Variants in ABCC4 observed in about 807,000 individuals in gnomAD.
ABCC4 encodes the protein ATP-binding cassette sub-family C member 4.
A neutral mutation model predicts 168.5 loss-of-function variants in ABCC4; 102 were observed. The ratio of observed to expected loss-of-function variants is 0.61; its 90% CI spans 0.52 to 0.71. The LOEUF (loss-of-function observed/expected upper bound fraction) is 0.71. Among genes scored for constraint, ABCC4 ranks in the 30% least tolerant of loss-of-function variants. The pLI is 0.00. For synonymous variants in ABCC4, 617 were observed against 590.7 expected, an observed-to-expected ratio of 1.04 and a Z score of -0.65; for missense variants, 1,402 against 1,605.8, an observed-to-expected ratio of 0.87 and a Z score of 2.17.
intron 4 of ABCC4, among the ~76,000 whole-genome samples, chr13:95,232,985 C>T (rs1425535314): frequency 6.6e-6 from 1 of 152,092 alleles, no homozygotes; most frequent in Non-Finnish European, 1.5e-5. Flanking sequence ...GTTTGGCATC[C>T]CTGGACTCAA....
At chr13:95,196,321 C>T (rs144947413) in intron 8 of ABCC4, among the ~76,000 whole-genome samples, 2 of 152,138 alleles carry the variant, frequency 1.3e-5, no homozygotes, top group African/African-American at 2.4e-5. Flanking sequence ...GCCCCCAACA[C>T]AGTTAGATGT....
chr13:95,278,908 A>AT (rs949136266), intron 1 of ABCC4, among the ~76,000 whole-genome samples: 26 of 147,612 alleles, frequency 1.8e-4, no homozygotes, highest in South Asian at 8.6e-4. Flanking sequence ...AAACCAAGGT[A>AT]TTTTTTTTTT....
At chr13:95,089,334 C>T (rs1197278310) in intron 20 of ABCC4, among the ~76,000 whole-genome samples, 2 of 152,142 alleles carry the variant, frequency 1.3e-5, no homozygotes, top group Non-Finnish European at 2.9e-5. Context: ...GTTAAGAACA[C>T]TAAGTCCGGG....
At position 95,252,900 on chromosome 13, in the gene ABCC4, C is replaced by G. The variant is rs545868578; in HGVS notation, c.75-5147G>C. Among the ~76,000 whole-genome samples the G allele has an allele frequency of 1.1e-4, 17 of 152,316 alleles. No individual in the cohort carries two copies. In the East Asian group the frequency reaches 2.1e-3, roughly 19 times the overall value. On this transcript the variant is annotated intron_variant, in intron 1 of 30. Coordinates refer to ENST00000645237, the MANE Select transcript of ABCC4 (RefSeq NM_005845.5). ...TTATGTTTCCTTCCATGAACTTTCT[C>G]TATTTGGAAGCCACAAAATAGTAAA...
chr13:95,074,106 A>C (rs2033817738), intron 23 of ABCC4, 108 bp downstream of exon 23: 1 of 820,566 alleles, frequency 1.2e-6, no homozygotes, highest in East Asian at 2.7e-5. Flanking sequence ...ACACTTCATT[A>C]GGACCAAACA....
At chr13:95,296,969 A>C (rs1325304441) in intron 1 of ABCC4, among the ~76,000 whole-genome samples, 2 of 152,164 alleles carry the variant, frequency 1.3e-5, no homozygotes, top group Non-Finnish European at 2.9e-5. Flanking sequence ...AAATGAAACA[A>C]TAGCTAAAAG....
At chr13:95,218,972 AGAAAGAAAG>A (rs1566539771) in intron 4 of ABCC4, among the ~76,000 whole-genome samples, 1 of 41,704 alleles carries the variant, frequency 2.4e-5, no homozygotes, top group Admixed American at 1.9e-4. Context: ...AAAGAAAGAA[AGAAAGAAAG>A]AAAGAGTGAG....
intron 1 of ABCC4, among the ~76,000 whole-genome samples, chr13:95,273,800 GTTT>G (rs10573889): frequency 1.6e-5 from 2 of 127,114 alleles, no homozygotes; most frequent in Non-Finnish European, 3.4e-5. Flanking sequence ...GATCTGATGG[GTTT>G]TTTTTTTGGT....
intron 1 of ABCC4, among the ~76,000 whole-genome samples, chr13:95,298,997 T>C (rs1375623278): frequency 1.3e-5 from 2 of 151,994 alleles, no homozygotes; most frequent in Non-Finnish European, 2.9e-5. Flanking sequence ...GTCACATCTG[T>C]AATCCCAGAC....
intron 4 of ABCC4, among the ~76,000 whole-genome samples, chr13:95,228,435 T>C (rs1052160941): frequency 1.3e-5 from 2 of 152,100 alleles, no homozygotes; most frequent in Admixed American, 1.3e-4. Flanking sequence ...CTCTGACCAC[T>C]GACCTAAAAA....
At chr13:95,134,688 C>T (rs748960826) in intron 19 of ABCC4, among the ~76,000 whole-genome samples, 1 of 151,992 alleles carries the variant, frequency 6.6e-6, no homozygotes, top group Non-Finnish European at 1.5e-5. Flanking sequence ...CCACTGCACT[C>T]CAGCCTGGGT....
chr13:95,083,514 T>G (rs1291752376), intron 20 of ABCC4, among the ~76,000 whole-genome samples: 1 of 149,892 alleles, frequency 6.7e-6, no homozygotes, highest in Non-Finnish European at 1.5e-5. Flanking sequence ...ATCCATTAGG[T>G]TTTTTTTTCC....
chr13:95,220,261 A>C (rs2766476), intron 4 of ABCC4, among the ~76,000 whole-genome samples: 129,410 of 152,166 alleles, frequency 0.85, 55,338 homozygotes, highest in African/African-American at 0.91. Context: ...TGCCGTCTTT[A>C]AGACTAAGAA....
chr13:95,186,511 C>T (rs1321775046), intron 11 of ABCC4, among the ~76,000 whole-genome samples, 190 bp downstream of exon 11: 1 of 152,108 alleles, frequency 6.6e-6, no homozygotes, highest in Non-Finnish European at 1.5e-5. Flanking sequence ...ACCCTGTAAA[C>T]ATCATTTTCG....
rs373879005 is a variant in ABCC4 at position 95,207,184 on chromosome 13, C to T, written c.912-403G>A. Reference sequence around the variant, plus strand: ...CTAGGATTACAGGCATGTGCCACCACGCCCAGCAAATGTTTGTATTTTTAG... The same window carrying T: ...CTAGGATTACAGGCATGTGCCACCATGCCCAGCAAATGTTTGTATTTTTAG... On this transcript the variant is annotated intron_variant, in intron 7 of 30. Coordinates refer to ENST00000645237, the MANE Select transcript of ABCC4 (RefSeq NM_005845.5). 6.0e-4 allele frequency among the ~76,000 whole-genome samples: 92 copies of T among 152,308 alleles called. 1 individual carries two copies. In the East Asian group the frequency reaches 0.011, roughly 18 times the overall value.
At chr13:95,080,318 T>G (rs2034047749) in intron 21 of ABCC4, among the ~76,000 whole-genome samples, 1 of 152,210 alleles carries the variant, frequency 6.6e-6, no homozygotes, top group Non-Finnish European at 1.5e-5. Flanking sequence ...TTTTATGTAC[T>G]TCTCTATGAC....
chr13:95,179,633 A>G (rs8002264), intron 11 of ABCC4, among the ~76,000 whole-genome samples: 2,103 of 152,340 alleles, frequency 0.014, 62 homozygotes, highest in African/African-American at 0.047. Flanking sequence ...TATAATTATC[A>G]CTAGACAGAT....
intron 20 of ABCC4, among the ~76,000 whole-genome samples, chr13:95,114,384 C>T (rs1010361304): frequency 2.7e-4 from 41 of 152,346 alleles, no homozygotes; most frequent in Admixed American, 4.6e-4. Context: ...CAACCTTTGC[C>T]TAGCTTCCTG....
intron 30 of ABCC4, among the ~76,000 whole-genome samples, chr13:95,025,196 ACACACCCC>A (rs1301676182): frequency 1.7e-4 from 12 of 70,548 alleles, no homozygotes; most frequent in Non-Finnish European, 2.8e-4. Context: ...CACCCACACC[ACACACCCC>A]CACACCCCCC....
Sources: allele counts gnomAD v4.1 joint callset (sites outside exome capture counted in the v4.1 genomes callset), GRCh38; gene constraint gnomAD v4.1.1; transcripts MANE v1.5; gene names NCBI Gene and HGNC (gene_info 2026-07-23, HGNC 2026-07-21).